The following SNU13 variants were observed in gnomAD, a reference collection of about 807,000 sequenced individuals.
The protein encoded by SNU13 is small nuclear ribonucleoprotein 13, also known as NHP2-like protein 1.
Under a neutral mutation model 12.4 loss-of-function variants are expected in SNU13, and 2 were observed. The observed-to-expected ratio is 0.16, with a 90% CI of 0.07 to 0.51. The LOEUF (loss-of-function observed/expected upper bound fraction) is 0.51. Among genes scored for constraint, SNU13 ranks in the 20% least tolerant of loss-of-function variants. SNU13 has a pLI of 0.96. For synonymous variants in SNU13, 68 were observed against 66.5 expected (o/e 1.02, Z -0.11); for missense variants, 66 against 157.8 (o/e 0.42, Z 3.12).
chr22:41,682,245 C>CT, intron 1 of SNU13: 1 of 1,208,610 alleles, frequency 8.3e-7, no homozygotes, highest in Non-Finnish European at 1.2e-6. Flanking sequence ...GCGCACCTGC[C>CT]TTTTCCTCCT....
chr22:41,685,080 G>A (rs538903453), intron 1 of SNU13, among the ~76,000 whole-genome samples: 42 of 151,282 alleles, frequency 2.8e-4, no homozygotes, highest in African/African-American at 9.5e-4. Flanking sequence ...GCTTGAACCC[G>A]GGAAGCGGAG....
upstream of SNU13, chr22:41,689,044 G>T: frequency 8.0e-6 from 10 of 1,248,250 alleles, no homozygotes; most frequent in Non-Finnish European, 1.0e-5. Context: ...ATTATTGGCA[G>T]AAACAATGAA....
At chr22:41,686,613 A>T (rs2068312308) in intron 1 of SNU13, among the ~76,000 whole-genome samples, 1 of 145,740 alleles carries the variant, frequency 6.9e-6, no homozygotes, top group African/African-American at 2.6e-5. Flanking sequence ...CAAATGTTTT[A>T]TTTGATACTA....
At chr22:41,677,714 T>G (rs1224859604) in intron 2 of SNU13, among the ~76,000 whole-genome samples, 1 of 152,144 alleles carries the variant, frequency 6.6e-6, no homozygotes, top group Non-Finnish European at 1.5e-5. Context: ...ACCATTGTAC[T>G]CACTGCTAAC....
chr22:41,679,886 G>C (rs542870379), intron 2 of SNU13: 1 of 155,238 alleles, frequency 6.4e-6, no homozygotes, highest in South Asian at 2.0e-4. Context: ...TGAAATTCAT[G>C]AATGTTAAGT....
At chr22:41,682,641 G>A in intron 1 of SNU13, 1 of 1,185,088 alleles carries the variant, frequency 8.4e-7, no homozygotes, top group Non-Finnish European at 1.1e-6. Flanking sequence ...GGGGGTTGGG[G>A]GAGGTCAAGG....
intron 1 of SNU13, among the ~76,000 whole-genome samples, chr22:41,682,094 C>T (rs761460650): frequency 1.3e-5 from 2 of 151,972 alleles, no homozygotes; most frequent in Non-Finnish European, 2.9e-5. Context: ...ACGTGCGAAT[C>T]GCGAGTGATT....
upstream of SNU13, among the ~76,000 whole-genome samples, chr22:41,689,555 A>G (rs2068343297): frequency 1.3e-5 from 2 of 151,492 alleles, no homozygotes; most frequent in Admixed American, 1.3e-4. Flanking sequence ...AGTCCCAGCT[A>G]CTCGGGAGGC....
At chr22:41,689,650 G>A (rs2068344119), upstream of SNU13, among the ~76,000 whole-genome samples, 1 of 150,420 alleles carries the variant, frequency 6.6e-6, no homozygotes, top group Non-Finnish European at 1.5e-5. Context: ...TCCAGCCTGG[G>A]CAACAGAGTG....
intron 1 of SNU13, chr22:41,682,349 C>A (rs768290584): frequency 6.2e-7 from 1 of 1,613,486 alleles, no homozygotes. Flanking sequence ...CCAGTAGGAA[C>A]ACTCACCATA....
chr22:41,686,203 G>A (rs781314481), intron 1 of SNU13, among the ~76,000 whole-genome samples: 4 of 151,490 alleles, frequency 2.6e-5, no homozygotes, highest in East Asian at 1.9e-4. Flanking sequence ...CCTTCTATTT[G>A]TTCCACTTGT....
intron 2 of SNU13, among the ~76,000 whole-genome samples, chr22:41,679,000 G>A (rs1347353190): frequency 6.6e-6 from 1 of 152,178 alleles, no homozygotes; most frequent in Non-Finnish European, 1.5e-5. Context: ...CACGCCTGCT[G>A]TTATCCTAAC....
chr22:41,690,025 C>T, upstream of SNU13, among the ~76,000 whole-genome samples: 1 of 151,758 alleles, frequency 6.6e-6, no homozygotes, highest in Non-Finnish European at 1.5e-5. Context: ...TAAGGCCTGG[C>T]TCATTATAAT....
At chr22:41,685,154 C>CACA (rs564616797) in intron 1 of SNU13, among the ~76,000 whole-genome samples, 4 of 118,008 alleles carry the variant, frequency 3.4e-5, no homozygotes, top group Non-Finnish European at 6.8e-5. Context: ...AACTCCATCT[C>CACA]AAAAAAAAAA....
intron 1 of SNU13, among the ~76,000 whole-genome samples, chr22:41,687,473 T>C (rs1256977068): frequency 3.3e-5 from 5 of 152,320 alleles, no homozygotes; most frequent in Middle Eastern, 3.4e-3. Flanking sequence ...ACCTAAATGT[T>C]TCACTATTAG....
intron 1 of SNU13, among the ~76,000 whole-genome samples, chr22:41,686,392 C>T (rs2068310447): frequency 6.6e-6 from 1 of 151,562 alleles, no homozygotes; most frequent in East Asian, 1.9e-4. Flanking sequence ...GAAACCTCTG[C>T]CTTCCATATT....
intron 2 of SNU13, among the ~76,000 whole-genome samples, chr22:41,675,980 T>C (rs921226786): frequency 3.9e-5 from 6 of 152,010 alleles, no homozygotes; most frequent in African/African-American, 1.4e-4. Context: ...TCCACCCACC[T>C]TGGCCTCCCA....
chr22:41,675,795 G>T (rs556844839), intron 2 of SNU13, among the ~76,000 whole-genome samples: 2 of 145,444 alleles, frequency 1.4e-5, no homozygotes, highest in African/African-American at 5.1e-5. Flanking sequence ...CTGTCGCCCG[G>T]GCTGGAGTGC....
intron 2 of SNU13, 129 bp downstream of exon 2, chr22:41,680,115 G>A: frequency 8.1e-7 from 1 of 1,233,004 alleles, no homozygotes; most frequent in Non-Finnish European, 1.1e-6. Flanking sequence ...AGCATCTAAT[G>A]CCAAAGTCCT....
Sources: gnomAD v4.1 joint callset for allele counts (sites outside exome capture counted in the v4.1 genomes callset) on GRCh38, gnomAD v4.1.1 for gene constraint, MANE v1.5 for transcripts, NCBI Gene and HGNC (gene_info 2026-07-23, HGNC 2026-07-21) for gene names.